The following PSMG2 variants were observed in gnomAD, a reference collection of about 807,000 sequenced individuals.
PSMG2 encodes CD40 ligand-activated specific transcript 3.
PSMG2 carries 21 observed loss-of-function variants against 31.5 expected under a neutral mutation model. That is an observed-to-expected ratio of 0.67 (90% confidence interval 0.47 to 0.96). PSMG2 has a LOEUF of 0.96. PSMG2 is among the 40% of genes least tolerant of loss of function. The pLI, the probability that PSMG2 is intolerant of heterozygous loss-of-function variation, is 0.00. For synonymous variants in PSMG2, 120 were observed against 110.4 expected (o/e 1.09, Z -0.54); for missense variants, 318 against 321.2 (o/e 0.99, Z 0.08).
rs115693908 is a variant in PSMG2 at position 12,706,683 on chromosome 18, C to T, written c.191C>T (p.Thr64Ile). ...PMVGNNPYAT[T>I]EGNSTELSIN... The stretch of plus-strand genomic sequence containing the variant: ...GTTGGAAACAATCCATATGCGACCA[C>T]AGAAGGAAATTCAACAGAACTTAGC... The change falls in exon 2 of 7, where the codon ACA (threonine) becomes ATA (isoleucine). Residue 64 changes from threonine to isoleucine, a missense_variant. Thr to Ile is a moderately conservative substitution (Grantham distance 89, BLOSUM62 -1). Coordinates refer to ENST00000317615, the MANE Select transcript of PSMG2 (RefSeq NM_020232.5). 3.8e-4 allele frequency: 613 copies of T among 1,610,718 alleles called. 3 individuals carry two copies. In the African/African-American group the frequency reaches 7.5e-3, roughly 20 times the overall value.
intron 3 of PSMG2, among the ~76,000 whole-genome samples, chr18:12,713,279 TCTC>T (rs1206218406): frequency 6.6e-6 from 1 of 152,118 alleles, no homozygotes; most frequent in African/African-American, 2.4e-5. Flanking sequence ...TCCAGTGGCT[TCTC>T]CTCTCACTCA....
chr18:12,715,229 A>T (rs1029828397), intron 3 of PSMG2, among the ~76,000 whole-genome samples: 2 of 151,962 alleles, frequency 1.3e-5, no homozygotes, highest in African/African-American at 4.8e-5. Flanking sequence ...GGCTGGTCTC[A>T]AACTCTTGAC....
At chr18:12,713,328 T>C (rs555818393) in intron 3 of PSMG2, among the ~76,000 whole-genome samples, 1 of 152,190 alleles carries the variant, frequency 6.6e-6, no homozygotes, top group Non-Finnish European at 1.5e-5. Flanking sequence ...CGCTTCCTGA[T>C]GCACTGTGAC....
At chr18:12,724,656 G>A in intron 6 of PSMG2, 37 bp downstream of exon 6, 6 of 1,536,890 alleles carry the variant, frequency 3.9e-6, no homozygotes, top group Non-Finnish European at 5.2e-6. Context: ...TTCTTTGTCT[G>A]GTTGTATTCA....
intron 1 of PSMG2, chr18:12,662,067 G>T (rs1226527850): frequency 5.3e-6 from 2 of 377,978 alleles, no homozygotes; most frequent in Non-Finnish European, 1.0e-5. Flanking sequence ...TACTCTGGAG[G>T]TACTGGCTGT....
At chr18:12,713,985 A>G (rs1375171716) in intron 3 of PSMG2, among the ~76,000 whole-genome samples, 1 of 152,050 alleles carries the variant, frequency 6.6e-6, no homozygotes, top group East Asian at 1.9e-4. Flanking sequence ...TCCTGCCCTC[A>G]AGTGATCCAC....
upstream of PSMG2, chr18:12,699,853 T>A (rs1156259925): frequency 6.3e-7 from 1 of 1,587,574 alleles, no homozygotes; most frequent in Admixed American, 1.7e-5. Context: ...CGATTGTCTA[T>A]CAAAACAAAT....
intron 1 of PSMG2, among the ~76,000 whole-genome samples, chr18:12,659,203 G>A (rs1414268746): frequency 6.6e-6 from 1 of 152,104 alleles, no homozygotes; most frequent in East Asian, 1.9e-4. Context: ...AACCTTTTAC[G>A]GCAGTTTTAT....
chr18:12,692,174 G>A (rs2039787763), intron 1 of PSMG2: 1 of 151,952 alleles, frequency 6.6e-6, no homozygotes, highest in Non-Finnish European at 1.5e-5. Context: ...AAACTAGCTG[G>A]GGATGGTGGT....
At chr18:12,676,337 G>A (rs554552303) in intron 1 of PSMG2, among the ~76,000 whole-genome samples, 101 of 139,006 alleles carry the variant, frequency 7.3e-4, no homozygotes, top group Non-Finnish European at 8.0e-4. Flanking sequence ...AGGCTGGAGT[G>A]CAGTGGCACA....
intron 5 of PSMG2, 185 bp from the exon 6 acceptor site, chr18:12,724,314 C>G: frequency 1.9e-6 from 1 of 531,092 alleles, no homozygotes; most frequent in South Asian, 3.6e-5. Context: ...GTGGGTGTTA[C>G]AGGGGCCTGC....
At chr18:12,714,415 A>G (rs1006445549) in intron 3 of PSMG2, among the ~76,000 whole-genome samples, 1 of 151,606 alleles carries the variant, frequency 6.6e-6, no homozygotes, top group African/African-American at 2.4e-5. Context: ...AGAGACTCCA[A>G]TGGTTTGCCT....
intron 1 of PSMG2, chr18:12,670,861 C>T (rs1340438776): frequency 6.6e-6 from 1 of 151,960 alleles, no homozygotes; most frequent in Non-Finnish European, 1.5e-5. Flanking sequence ...GTTGCCCAGG[C>T]TGGTCTTAAA....
chr18:12,724,353 C>T (rs2040455860), intron 5 of PSMG2, 146 bp from the exon 6 acceptor site: 4 of 782,784 alleles, frequency 5.1e-6, no homozygotes, highest in South Asian at 2.4e-5. Context: ...CTGTGTGGGG[C>T]GAAGGGAGAT....
chr18:12,713,678 C>T (rs1477516328), intron 3 of PSMG2, among the ~76,000 whole-genome samples: 2 of 152,152 alleles, frequency 1.3e-5, no homozygotes, highest in African/African-American at 4.8e-5. Context: ...CCAATTTCAG[C>T]CAGTTCTTTT....
intron 2 of PSMG2, among the ~76,000 whole-genome samples, chr18:12,709,823 A>C (rs1447247331): frequency 6.7e-6 from 1 of 150,072 alleles, no homozygotes; most frequent in Admixed American, 6.6e-5. Context: ...TTTAGTAGAG[A>C]CAGGGTTTCA....
intron 3 of PSMG2, among the ~76,000 whole-genome samples, chr18:12,717,704 A>G (rs1049117689): frequency 1.3e-5 from 2 of 152,184 alleles, no homozygotes; most frequent in African/African-American, 4.8e-5. Flanking sequence ...TGGCTGTTAC[A>G]TCTTTTTAGT....
intron 1 of PSMG2, among the ~76,000 whole-genome samples, chr18:12,679,473 T>C (rs2039271349): frequency 6.6e-6 from 1 of 152,172 alleles, no homozygotes; most frequent in Admixed American, 6.6e-5. Flanking sequence ...GGAGCGTCCG[T>C]TTCCCAGTGT....
intron 1 of PSMG2, among the ~76,000 whole-genome samples, chr18:12,667,697 G>A (rs1376524538): frequency 1.3e-5 from 2 of 150,516 alleles, no homozygotes; most frequent in African/African-American, 2.4e-5. Context: ...GGAGGCAGAG[G>A]TTGCAGTGAA....
Sources: allele counts gnomAD v4.1 joint callset (sites outside exome capture counted in the v4.1 genomes callset), GRCh38; gene constraint gnomAD v4.1.1; transcripts MANE v1.5; gene names NCBI Gene and HGNC (gene_info 2026-07-23, HGNC 2026-07-21).